Variants in MTMR7 observed in about 807,000 individuals in gnomAD.
MTMR7 encodes the protein myotubularin related protein 7, also known as phosphatidylinositol-3-phosphate phosphatase MTMR7.
Under a neutral mutation model 81.2 loss-of-function variants are expected in MTMR7, and 76 were observed. That is an observed-to-expected ratio of 0.94 (90% CI 0.78 to 1.13). MTMR7 has a LOEUF of 1.13. Ranked by LOEUF, MTMR7 falls within the 50% of genes most tolerant of loss-of-function variation. The pLI is 0.00. For missense variants in MTMR7, 1,044 were observed against 820.0 expected (o/e 1.27, Z -3.34); for synonymous variants, 372 against 289.8 (o/e 1.28, Z -2.88).
chr8:17,313,780 C>A (rs1347774201), intron 7 of MTMR7, among the ~76,000 whole-genome samples: 10 of 152,226 alleles, frequency 6.6e-5, no homozygotes, highest in African/African-American at 2.4e-4. Flanking sequence ...GGAAAAAAAT[C>A]ATATAACTAA....
chr8:17,369,641 C>CTTTTTTTTTTTTTTT (rs71212689), intron 3 of MTMR7, among the ~76,000 whole-genome samples: 2 of 106,246 alleles, frequency 1.9e-5, no homozygotes, highest in Non-Finnish European at 3.8e-5. Context: ...TTCTTTTTTT[C>CTTTTTTTTTTTTTTT]TTTTTTTTTT....
chr8:17,395,421 T>C (rs1821218610), intron 1 of MTMR7, among the ~76,000 whole-genome samples: 1 of 152,222 alleles, frequency 6.6e-6, no homozygotes, highest in Admixed American at 6.5e-5. Flanking sequence ...TTTAATTCTT[T>C]GGGGTATATA....
chr8:17,408,654 T>C (rs1375671556), intron 1 of MTMR7, among the ~76,000 whole-genome samples: 4 of 152,128 alleles, frequency 2.6e-5, no homozygotes, highest in Admixed American at 6.5e-5. Flanking sequence ...GCTGATTAAA[T>C]AGTGGATGGT....
chr8:17,341,450 C>G lies in MTMR7; in HGVS notation c.645G>C (p.Arg215=), dbSNP rs759784961. 6.2e-7 allele frequency: 1 copy of G among 1,614,128 alleles called. No individual in the cohort carries two copies. The highest frequency in any genetic ancestry group is 8.5e-7 in the Non-Finnish European group (1 of 1,180,012). ...SSQPLSGFSA[R]CLEDEQMLQA... The stretch of plus-strand genomic sequence containing the variant: ...GGAGCATCTGCTCGTCCTCTAGGCA[C>G]CGGGCACTGAAGCCGGACAGGGGCT... Residue 215 remains arginine, a synonymous_variant, in exon 6 of 14, where the codon CGG becomes CGC. Transcript: ENST00000180173.
chr8:17,403,761 T>G (rs926107069), intron 1 of MTMR7, among the ~76,000 whole-genome samples: 1 of 151,828 alleles, frequency 6.6e-6, no homozygotes, highest in African/African-American at 2.4e-5. Flanking sequence ...CAGCGTTTTA[T>G]AGTTTGCCTT....
intron 13 of MTMR7, 22 bp from the exon 14 acceptor site, chr8:17,300,246 CA>C: frequency 1.3e-6 from 2 of 1,583,576 alleles, no homozygotes; most frequent in Non-Finnish European, 1.7e-6. Context: ...ATAACAATTT[CA>C]GGGGAAAAAT....
At chr8:17,320,881 C>T (rs558139707) in intron 7 of MTMR7, among the ~76,000 whole-genome samples, 1 of 152,208 alleles carries the variant, frequency 6.6e-6, no homozygotes, top group Non-Finnish European at 1.5e-5. Flanking sequence ...TCTGTCCAAC[C>T]CCAGGCCATG....
chr8:17,385,923 A>G (rs189108371), intron 1 of MTMR7, among the ~76,000 whole-genome samples: 6 of 152,362 alleles, frequency 3.9e-5, no homozygotes, highest in African/African-American at 1.4e-4. Flanking sequence ...CAATGTGAGA[A>G]TGGCCTAATA....
chr8:17,302,618 C>A (rs1475667793), intron 12 of MTMR7, among the ~76,000 whole-genome samples: 2 of 142,532 alleles, frequency 1.4e-5, no homozygotes, highest in Non-Finnish European at 3.0e-5. Context: ...TATTTAGAAT[C>A]TTTCAGCTAC....
intron 4 of MTMR7, among the ~76,000 whole-genome samples, chr8:17,349,715 T>G (rs1038784475): frequency 6.6e-6 from 1 of 152,198 alleles, no homozygotes; most frequent in African/African-American, 2.4e-5. Context: ...TACCGCGCAA[T>G]GTAACAGCTT....
At chr8:17,311,109 CT>C (rs529729916) in intron 9 of MTMR7, among the ~76,000 whole-genome samples, 27 of 152,288 alleles carry the variant, frequency 1.8e-4, no homozygotes, top group Middle Eastern at 3.4e-3. Context: ...CTACCAAGGA[CT>C]TTTGGCATAC....
At chr8:17,306,314 G>T (rs1817452529) in intron 10 of MTMR7, among the ~76,000 whole-genome samples, 1 of 151,918 alleles carries the variant, frequency 6.6e-6, no homozygotes, top group South Asian at 2.1e-4. Flanking sequence ...CGGGTGAGAA[G>T]AAATGTCCAG....
intron 1 of MTMR7, among the ~76,000 whole-genome samples, chr8:17,389,497 G>A (rs189342698): frequency 1.3e-5 from 2 of 152,264 alleles, no homozygotes; most frequent in South Asian, 2.1e-4. Context: ...AGCAACCCTC[G>A]GTGGCAGGAT....
chr8:17,376,358 C>T (rs1184690700), intron 1 of MTMR7, among the ~76,000 whole-genome samples: 2 of 152,174 alleles, frequency 1.3e-5, no homozygotes, highest in African/African-American at 4.8e-5. Context: ...ATTTCAGTTG[C>T]ATCTACCTTT....
Position 17,346,478 on chromosome 8 carries a change from G to A in MTMR7, c.597+2475C>T, listed in dbSNP as rs74913681. 7.9e-3 allele frequency among the ~76,000 whole-genome samples: 1,201 copies of A among 152,196 alleles called. 17 individuals carry two copies. The highest frequency in any genetic ancestry group is 0.027 in the African/African-American group (1,134 of 41,488). On this transcript the variant is annotated intron_variant, in intron 5 of 13. Transcript: ENST00000180173. ...CTGTGTGAGTTCATTTTCAGGCCTG[G>A]AGGTTCAGTAAAATAGCACTTGGGG...
At chr8:17,323,661 T>C (rs1484535831) in intron 7 of MTMR7, among the ~76,000 whole-genome samples, 2 of 152,094 alleles carry the variant, frequency 1.3e-5, no homozygotes, top group Non-Finnish European at 2.9e-5. Flanking sequence ...TGGGGGGTCA[T>C]TCCACACACC....
At chr8:17,383,562 T>C (rs1457739888) in intron 1 of MTMR7, among the ~76,000 whole-genome samples, 1 of 152,222 alleles carries the variant, frequency 6.6e-6, no homozygotes, top group Non-Finnish European at 1.5e-5. Context: ...CACTTCAGTC[T>C]GGGTCTAATA....
chr8:17,352,417 G>C (rs1260048899), intron 4 of MTMR7, among the ~76,000 whole-genome samples: 5 of 151,730 alleles, frequency 3.3e-5, no homozygotes, highest in Non-Finnish European at 7.4e-5. Flanking sequence ...AATAACGATG[G>C]GTCATATCTT....
intron 3 of MTMR7, among the ~76,000 whole-genome samples, chr8:17,361,849 T>C (rs951764829): frequency 2.6e-5 from 4 of 152,338 alleles, no homozygotes; most frequent in East Asian, 3.9e-4. Context: ...CTCATTTGCA[T>C]AAGATTCATA....
Sources: gnomAD v4.1 joint callset for allele counts (sites outside exome capture counted in the v4.1 genomes callset) on GRCh38, gnomAD v4.1.1 for gene constraint, MANE v1.5 for transcripts, NCBI Gene and HGNC (gene_info 2026-07-23, HGNC 2026-07-21) for gene names.